FSTL5: variants seen among roughly 807,000 people sequenced by gnomAD.
FSTL5 encodes follistatin-related protein 5.
FSTL5 carries 62 observed loss-of-function variants against 89.1 expected under a neutral mutation model. The ratio of observed to expected loss-of-function variants is 0.70; its 90% CI spans 0.57 to 0.86. FSTL5 has a LOEUF of 0.86. Among genes scored for constraint, FSTL5 ranks in the 40% least tolerant of loss-of-function variants. FSTL5 has a pLI of 0.00. For missense variants in FSTL5, 1,057 were observed against 1,001.6 expected (o/e 1.06, Z -0.75); for synonymous variants, 383 against 346.2 (o/e 1.11, Z -1.18).
chr4:161,619,694 T>G (rs567448039), intron 7 of FSTL5, among the ~76,000 whole-genome samples: 10 of 152,024 alleles, frequency 6.6e-5, no homozygotes, highest in South Asian at 2.1e-4. Context: ...AAACAACAGG[T>G]GCTGGAGAGG....
intron 6 of FSTL5, among the ~76,000 whole-genome samples, chr4:161,755,072 A>G (rs761763803): frequency 5.3e-5 from 8 of 152,060 alleles, no homozygotes; most frequent in Non-Finnish European, 1.0e-4. Flanking sequence ...TTTCCTCTCT[A>G]TATTCAAAAG....
intron 3 of FSTL5, among the ~76,000 whole-genome samples, chr4:161,963,680 T>C (rs924059245): frequency 1.3e-5 from 2 of 151,996 alleles, no homozygotes; most frequent in African/African-American, 4.8e-5. Context: ...AAGATTTCTC[T>C]TTTACAAAAG....
chr4:161,824,008 T>C (rs1730584033), intron 4 of FSTL5, among the ~76,000 whole-genome samples: 1 of 152,210 alleles, frequency 6.6e-6, no homozygotes, highest in African/African-American at 2.4e-5. Flanking sequence ...CAGAAGGTTT[T>C]TATTTTAATT....
intron 4 of FSTL5, among the ~76,000 whole-genome samples, chr4:161,843,477 C>T (rs1731273532): frequency 6.6e-6 from 1 of 152,104 alleles, no homozygotes; most frequent in Non-Finnish European, 1.5e-5. Flanking sequence ...TCCTTCATAT[C>T]CCTTGTAAGT....
intron 15 of FSTL5, among the ~76,000 whole-genome samples, chr4:161,452,740 T>C (rs1388884891): frequency 6.6e-6 from 1 of 151,976 alleles, no homozygotes; most frequent in African/African-American, 2.4e-5. Context: ...ATTGCTATAA[T>C]TTAATTTTTA....
chr4:161,607,874 G>T (rs1401838040), intron 7 of FSTL5, among the ~76,000 whole-genome samples: 1 of 152,088 alleles, frequency 6.6e-6, no homozygotes. Flanking sequence ...TATAGTGGAT[G>T]AAATTCTATA....
chr4:161,511,774 TAA>T (rs1372402585), intron 10 of FSTL5, among the ~76,000 whole-genome samples: 1 of 151,896 alleles, frequency 6.6e-6, no homozygotes, highest in Non-Finnish European at 1.5e-5. Flanking sequence ...AAACATGTAA[TAA>T]ATGAAAGGGA....
intron 2 of FSTL5, among the ~76,000 whole-genome samples, chr4:162,064,913 CTAAA>C (rs1421382326): frequency 5.3e-5 from 8 of 151,930 alleles, no homozygotes; most frequent in African/African-American, 1.4e-4. Flanking sequence ...GAGCTGTAGG[CTAAA>C]TAAACACAAT....
intron 4 of FSTL5, among the ~76,000 whole-genome samples, chr4:161,842,208 C>A (rs977489545): frequency 6.6e-6 from 1 of 152,084 alleles, no homozygotes; most frequent in Admixed American, 6.6e-5. Context: ...AGGCTCATTC[C>A]AGCCCATATC....
intron 1 of FSTL5, among the ~76,000 whole-genome samples, chr4:162,132,419 A>G (rs1293837725): frequency 6.6e-6 from 1 of 152,198 alleles, no homozygotes; most frequent in Non-Finnish European, 1.5e-5. Context: ...TCACTCCTGA[A>G]GCCAGCGAGA....
intron 4 of FSTL5, among the ~76,000 whole-genome samples, chr4:161,866,471 T>TGTGTGTGTGC: frequency 9.1e-6 from 1 of 110,194 alleles, no homozygotes; most frequent in Non-Finnish European, 2.0e-5. Context: ...CTGTAGTGTG[T>TGTGTGTGTGC]GTGTGTGTGT....
intron 8 of FSTL5, among the ~76,000 whole-genome samples, chr4:161,580,893 T>C (rs578220400): frequency 6.6e-6 from 1 of 152,188 alleles, no homozygotes; most frequent in South Asian, 2.1e-4. Context: ...TGGCAGTAAG[T>C]AGTTATCAAG....
intron 13 of FSTL5, among the ~76,000 whole-genome samples, chr4:161,471,660 A>G (rs1286459987): frequency 6.6e-6 from 1 of 152,196 alleles, no homozygotes; most frequent in Non-Finnish European, 1.5e-5. Flanking sequence ...GGTAAAATTC[A>G]GCAGTGACAT....
chr4:161,472,043 C>A (rs948287815), intron 13 of FSTL5, among the ~76,000 whole-genome samples: 2 of 148,552 alleles, frequency 1.3e-5, no homozygotes, highest in African/African-American at 2.5e-5. Flanking sequence ...GTGGCACGAT[C>A]TTGGCTCACC....
intron 4 of FSTL5, among the ~76,000 whole-genome samples, chr4:161,788,622 A>G (rs1741998062): frequency 6.6e-6 from 1 of 152,232 alleles, no homozygotes; most frequent in African/African-American, 2.4e-5. Flanking sequence ...ATCACTGCTC[A>G]TGCCTATAAA....
chr4:161,837,115 A>T (rs1731071147), intron 4 of FSTL5, among the ~76,000 whole-genome samples: 1 of 152,190 alleles, frequency 6.6e-6, no homozygotes, highest in South Asian at 2.1e-4. Context: ...AAAAGTATTT[A>T]TGTTGAAAAT....
At chr4:161,824,309 G>A (rs1010793490) in intron 4 of FSTL5, among the ~76,000 whole-genome samples, 2 of 152,054 alleles carry the variant, frequency 1.3e-5, no homozygotes, top group African/African-American at 4.8e-5. Context: ...TTTGTTGAAG[G>A]TCAGTTGGCT....
intron 1 of FSTL5, among the ~76,000 whole-genome samples, chr4:162,145,140 A>G (rs1357051831): frequency 2.6e-5 from 4 of 151,144 alleles, no homozygotes; most frequent in Non-Finnish European, 5.9e-5. Flanking sequence ...ACACACATAC[A>G]CAAATGTAAA....
At chr4:161,860,282 C>T (rs538816982) in intron 4 of FSTL5, among the ~76,000 whole-genome samples, 18 of 117,722 alleles carry the variant, frequency 1.5e-4, no homozygotes, top group South Asian at 1.4e-3. Flanking sequence ...AGCGAGACTC[C>T]GTCTCAAACA....
Sources: gnomAD v4.1 joint callset for allele counts (sites outside exome capture counted in the v4.1 genomes callset) on GRCh38, gnomAD v4.1.1 for gene constraint, MANE v1.5 for transcripts, NCBI Gene and HGNC (gene_info 2026-07-23, HGNC 2026-07-21) for gene names.